RIC3: variants seen among roughly 807,000 people sequenced by gnomAD.
The protein encoded by RIC3 is protein RIC-3.
Under a neutral mutation model 27.3 loss-of-function variants are expected in RIC3, and 28 were observed. That is an observed-to-expected ratio of 1.02 (90% CI 0.76 to 1.41). The LOEUF is 1.41. RIC3 is among the 40% of genes most tolerant of loss of function. The pLI, the probability that RIC3 is intolerant of heterozygous loss-of-function variation, is 0.00. For missense variants in RIC3, 501 were observed against 444.7 expected, an observed-to-expected ratio of 1.13 and a Z score of -1.14; for synonymous variants, 184 against 160.4, an observed-to-expected ratio of 1.15 and a Z score of -1.11.
chr11:8,150,233 A>G (rs1950094339), intron 1 of RIC3, among the ~76,000 whole-genome samples: 1 of 152,196 alleles, frequency 6.6e-6, no homozygotes, highest in African/African-American at 2.4e-5. Context: ...GGCCACCCTG[A>G]AGGTTGTAAC....
At chr11:8,152,745 C>A (rs182327454) in intron 1 of RIC3, among the ~76,000 whole-genome samples, 4 of 151,858 alleles carry the variant, frequency 2.6e-5, no homozygotes, top group African/African-American at 9.7e-5. Flanking sequence ...TAAATTACGT[C>A]TCAATAAAGC....
intron 4 of RIC3, among the ~76,000 whole-genome samples, chr11:8,127,725 T>C (rs1947161793): frequency 6.6e-6 from 1 of 152,172 alleles, no homozygotes; most frequent in Non-Finnish European, 1.5e-5. Context: ...CTTATTCTCT[T>C]CTTAAAACCC....
chr11:8,096,817 G>C, the RIC3 span: 2 of 1,613,938 alleles, frequency 1.2e-6, no homozygotes, highest in Non-Finnish European at 1.7e-6. Flanking sequence ...GTGAGTGAGT[G>C]AGTCTGCATC....
chr11:8,157,238 A>C (rs1366062996), intron 1 of RIC3, among the ~76,000 whole-genome samples: 1 of 152,238 alleles, frequency 6.6e-6, no homozygotes, highest in African/African-American at 2.4e-5. Context: ...CCCAGTGCTG[A>C]GTAATGTGAA....
At chr11:8,166,065 A>C (rs1340821633) in intron 1 of RIC3, among the ~76,000 whole-genome samples, 1 of 152,194 alleles carries the variant, frequency 6.6e-6, no homozygotes, top group Admixed American at 6.5e-5. Context: ...CTGGGATTAC[A>C]GGCATGAGCT....
the RIC3 span, chr11:8,095,671 C>G: frequency 6.3e-7 from 1 of 1,584,810 alleles, no homozygotes; most frequent in Non-Finnish European, 8.6e-7. Context: ...GAAGGGTGAG[C>G]CCCATGGGGA....
intron 1 of RIC3, among the ~76,000 whole-genome samples, chr11:8,150,367 C>T (rs1401128652): frequency 6.6e-6 from 1 of 152,144 alleles, no homozygotes; most frequent in African/African-American, 2.4e-5. Context: ...AAATAGAGCT[C>T]ATGGAGGAGT....
chr11:8,100,368 G>T, the RIC3 span: 1 of 714,260 alleles, frequency 1.4e-6, no homozygotes. Flanking sequence ...GCCGTGTTAG[G>T]TTTAGAGGGA....
chr11:8,111,088 C>G lies in RIC3; in HGVS notation c.720G>C (p.Lys240Asn), dbSNP rs202138698. ...YPIYDLSDCI[K>N]RRQETILVDY... ...CCACCAAGATTGTTTCTTGCCTACG[C>G]TTGATACAGTCTGAAAGGTCATAAA... is the stretch of plus-strand genomic sequence containing the variant. Residue 240 changes from lysine (K) to asparagine (N), a missense_variant, in exon 6 of 6, where the codon AAG (lysine) becomes AAC (asparagine). Lys to Asn is a moderately conservative substitution (Grantham distance 94). Coordinates refer to ENST00000309737, the MANE Select transcript of RIC3 (RefSeq NM_001206671.4). 55 of 1,613,522 alleles carry G rather than the reference C, an allele frequency of 3.4e-5. No homozygotes were observed. The highest frequency in any genetic ancestry group is 4.4e-5 in the Non-Finnish European group (52 of 1,179,798).
At chr11:8,097,460 T>C in the RIC3 span, 7 of 1,613,338 alleles carry the variant, frequency 4.3e-6, no homozygotes, top group Non-Finnish European at 5.9e-6. Flanking sequence ...CATCTAGGCT[T>C]TACAGCCCTT....
the RIC3 span, among the ~76,000 whole-genome samples, chr11:8,099,781 CTT>C: frequency 1.3e-5 from 2 of 151,968 alleles, no homozygotes; most frequent in South Asian, 4.2e-4. Context: ...TGAGGTAGCT[CTT>C]GAGTAAAGAC....
At chr11:8,094,558 C>G in the RIC3 span, among the ~76,000 whole-genome samples, 1 of 152,332 alleles carries the variant, frequency 6.6e-6, no homozygotes, top group South Asian at 2.1e-4. Flanking sequence ...TGACTGCTTC[C>G]CAGGCAGCTT....
intron 4 of RIC3, chr11:8,135,548 C>T (rs996153025): frequency 2.0e-5 from 3 of 152,058 alleles, no homozygotes; most frequent in South Asian, 4.1e-4. Context: ...ATGGGGATGG[C>T]GTTGAATCTA....
At position 8,160,364 on chromosome 11, in the gene RIC3, G is replaced by A. The variant is rs564208540; in HGVS notation, c.124+8502C>T. ...TCAACTTTTGCTTATGTTTGAAAAT[G>A]TCTTTAACAAAAAGTTTTTTAAAAA... On this transcript the variant is annotated intron_variant, in intron 1 of 5. Transcript: ENST00000309737. Among the ~76,000 whole-genome samples, 66 of 152,304 alleles carry A rather than the reference G, an allele frequency of 4.3e-4. 1 individual carries two copies. The South Asian group carries it at 0.013, about 30-fold the overall frequency.
chr11:8,143,021 C>A (rs1435572500), intron 1 of RIC3, among the ~76,000 whole-genome samples: 1 of 106,648 alleles, frequency 9.4e-6, no homozygotes, highest in Non-Finnish European at 1.7e-5. Flanking sequence ...ATTGATGGGA[C>A]GTATTTCAAA....
intron 1 of RIC3, among the ~76,000 whole-genome samples, chr11:8,161,530 C>A (rs1779302888): frequency 6.6e-6 from 1 of 152,172 alleles, no homozygotes; most frequent in South Asian, 2.1e-4. Context: ...GCTCTAATAT[C>A]CATATTTTCC....
chr11:8,103,523 G>A (rs566375706), downstream of RIC3: 1 of 152,558 alleles, frequency 6.6e-6, no homozygotes, highest in Non-Finnish European at 1.5e-5. Context: ...CTTAAAGCAA[G>A]GCATACCTGT....
chr11:8,161,160 G>A (rs997634771), intron 1 of RIC3, among the ~76,000 whole-genome samples: 95 of 152,118 alleles, frequency 6.2e-4, no homozygotes, highest in South Asian at 2.1e-4. Flanking sequence ...TCAGTAAATC[G>A]GCACTTCACG....
intron 1 of RIC3, among the ~76,000 whole-genome samples, chr11:8,149,176 GA>G (rs1376534978): frequency 1.3e-5 from 2 of 151,584 alleles, no homozygotes; most frequent in African/African-American, 4.8e-5. Context: ...CTGGGTGACA[GA>G]GCGAGACTCT....
Sources: gnomAD v4.1 joint callset for allele counts (sites outside exome capture counted in the v4.1 genomes callset) on GRCh38, gnomAD v4.1.1 for gene constraint, MANE v1.5 for transcripts, NCBI Gene and HGNC (gene_info 2026-07-23, HGNC 2026-07-21) for gene names.